TAX1BP1: variants seen among roughly 807,000 people sequenced by gnomAD.
The protein encoded by TAX1BP1 is Tax1 binding protein 1.
TAX1BP1 carries 62 observed loss-of-function variants against 97.7 expected under a neutral mutation model. The observed-to-expected ratio is 0.63, with a 90% CI of 0.52 to 0.78. The LOEUF (loss-of-function observed/expected upper bound fraction) is 0.78, where lower values mean the gene tolerates loss of function less well. Among genes scored for constraint, TAX1BP1 ranks in the 30% least tolerant of loss-of-function variants. The pLI is 0.00. For synonymous variants in TAX1BP1, 340 were observed against 304.2 expected (o/e 1.12, Z -1.23); for missense variants, 867 against 916.1 (o/e 0.95, Z 0.69).
chr7:27,822,318 C>A (rs1464861585), intron 15 of TAX1BP1, among the ~76,000 whole-genome samples: 1 of 152,114 alleles, frequency 6.6e-6, no homozygotes, highest in Non-Finnish European at 1.5e-5. Context: ...TGTTTTCATA[C>A]CTTTTTACTT....
intron 13 of TAX1BP1, among the ~76,000 whole-genome samples, chr7:27,801,748 T>G (rs1043416508): frequency 1.3e-5 from 2 of 152,218 alleles, no homozygotes; most frequent in Non-Finnish European, 2.9e-5. Flanking sequence ...AGCATTGAGA[T>G]CAAACAACAT....
intron 5 of TAX1BP1, among the ~76,000 whole-genome samples, chr7:27,776,946 AT>A (rs767870261): frequency 6.0e-5 from 9 of 151,118 alleles, no homozygotes; most frequent in Admixed American, 2.0e-4. Flanking sequence ...GTATATATAT[AT>A]TTTTTATCTC....
At chr7:27,819,418 C>T (rs942904269) in intron 15 of TAX1BP1, among the ~76,000 whole-genome samples, 10 of 152,216 alleles carry the variant, frequency 6.6e-5, no homozygotes, top group African/African-American at 2.4e-4. Context: ...CCTTCATTTC[C>T]TGTTTCTCAT....
At position 27,778,594 on chromosome 7, in the gene TAX1BP1, G is replaced by A. The variant is rs143146180; in HGVS notation, c.613-6569G>A. Reference sequence around the variant, plus strand: ...AAACTTATACAATTGGCCAGGTGCGGTGGCTCACGCCTGTAATCCCAGCAC... The same window carrying A: ...AAACTTATACAATTGGCCAGGTGCGATGGCTCACGCCTGTAATCCCAGCAC... On this transcript the variant is annotated intron_variant, in intron 5 of 16. Coordinates refer to ENST00000396319, the MANE Select transcript of TAX1BP1 (RefSeq NM_006024.7). Among the ~76,000 whole-genome samples the A allele has an allele frequency of 1.2e-4, 18 of 152,236 alleles. No homozygotes were observed. In the East Asian group the frequency reaches 2.7e-3, roughly 23 times the overall value.
chr7:27,766,087 A>G (rs931975765), intron 4 of TAX1BP1, 66 bp downstream of exon 4: 21 of 1,467,142 alleles, frequency 1.4e-5, no homozygotes, highest in Non-Finnish European at 1.8e-5. Flanking sequence ...GTTGGTTGGC[A>G]TTTTAAGAAT....
Position 27,828,756 on chromosome 7 carries a change from CTGACTA to C in TAX1BP1, c.2302_2307del (p.Tyr768_Asp769del), listed in dbSNP as rs1402254844. ...CCGATGTGCAGCGAGCAGTTCCCTC[CTGACTA>C]TGACCAGCAGGTGTTTGAAAGGCAT... On this transcript the variant is annotated inframe_deletion, in exon 17 of 17. Coordinates refer to ENST00000396319, the MANE Select transcript of TAX1BP1 (RefSeq NM_006024.7). The C allele has an allele frequency of 6.2e-7, 1 of 1,613,750 alleles. No individual in the cohort carries two copies. Among genetic ancestry groups the C allele is most frequent in the Non-Finnish European group, 8.5e-7 (1 of 1,179,944 alleles).
chr7:27,827,272 G>A (rs1791211078), intron 15 of TAX1BP1, among the ~76,000 whole-genome samples: 1 of 151,754 alleles, frequency 6.6e-6, no homozygotes, highest in Admixed American at 6.6e-5. Context: ...AGAATTGCTT[G>A]AACCCAGGAG....
In TAX1BP1 at chr7:27,816,396, T is replaced by C. The variant is rs759341508; in HGVS notation, c.1812T>C (p.Gly604=). Residue 604 remains glycine (G), a synonymous_variant, in exon 14 of 17, where the codon GGT becomes GGC. Transcript: ENST00000396319. ...ATCCAGCAGAAAGGAAAATGGAAGG[T>C]CAGAATTCCCAGAGTCCTCAATGTT... ...LENPAERKME[G]QNSQSPQCFK... is the part of the protein sequence containing the mutation. 3.2e-6 allele frequency: 5 copies of C among 1,585,142 alleles called. No homozygotes were observed. The South Asian group carries it at 5.9e-5, about 19-fold the overall frequency.
rs1789537612 is a variant in TAX1BP1 at position 27,787,617 on chromosome 7, C to CTA, written c.1038+22_1038+23dup. ...ACCTCAAGTAAAGTAAGTACTTTTG[C>CTA]TATATATATTTGAAGATTGTAAAAC... On this transcript the variant is annotated intron_variant, in intron 8 of 16. Coordinates refer to ENST00000396319, the MANE Select transcript of TAX1BP1 (RefSeq NM_006024.7). 15 of 1,585,638 alleles carry CTA rather than the reference C, an allele frequency of 9.5e-6. No individual in the cohort carries two copies. The highest frequency in any genetic ancestry group is 1.2e-5 in the Non-Finnish European group (14 of 1,168,932).
At chr7:27,779,292 T>C (rs1179830394) in intron 5 of TAX1BP1, among the ~76,000 whole-genome samples, 1 of 152,202 alleles carries the variant, frequency 6.6e-6, no homozygotes, top group East Asian at 1.9e-4. Flanking sequence ...GCTTGGCTCA[T>C]ATCTAGATTT....
chr7:27,824,517 G>C (rs890902970), intron 15 of TAX1BP1, among the ~76,000 whole-genome samples: 11 of 131,172 alleles, frequency 8.4e-5, no homozygotes, highest in Admixed American at 1.8e-4. Flanking sequence ...TCGTGCCACT[G>C]CACTCCTGGG....
intron 2 of TAX1BP1, among the ~76,000 whole-genome samples, chr7:27,754,853 G>T (rs778616359): frequency 7.9e-5 from 12 of 152,076 alleles, no homozygotes; most frequent in Non-Finnish European, 1.5e-4. Context: ...AAAGTGCTGG[G>T]ATTACAGGCG....
At chr7:27,763,596 G>A (rs575288317) in intron 3 of TAX1BP1, among the ~76,000 whole-genome samples, 4 of 152,038 alleles carry the variant, frequency 2.6e-5, no homozygotes, top group African/African-American at 7.2e-5. Context: ...GTGAAACCCC[G>A]TCTCCACTAA....
chr7:27,785,142 T>C (rs1789424693), intron 5 of TAX1BP1, 21 bp from the exon 6 acceptor site: 1 of 1,579,358 alleles, frequency 6.3e-7, no homozygotes, highest in African/African-American at 1.4e-5. Flanking sequence ...TTTCTCAAAA[T>C]ACCTTGTTGT....
intron 8 of TAX1BP1, among the ~76,000 whole-genome samples, chr7:27,789,342 G>A (rs890960842): frequency 1.3e-5 from 2 of 151,708 alleles, no homozygotes; most frequent in African/African-American, 4.8e-5. Context: ...TAAAACAGTT[G>A]CTTTGTTCAG....
At chr7:27,814,603 A>T (rs974759436) in intron 13 of TAX1BP1, among the ~76,000 whole-genome samples, 3 of 152,130 alleles carry the variant, frequency 2.0e-5, no homozygotes, top group Non-Finnish European at 4.4e-5. Flanking sequence ...TAAACATTTT[A>T]TCTATTGATT....
At chr7:27,821,136 A>AT (rs1216917896) in intron 15 of TAX1BP1, among the ~76,000 whole-genome samples, 3 of 152,134 alleles carry the variant, frequency 2.0e-5, no homozygotes, top group East Asian at 3.8e-4. Context: ...TCCATTTAAA[A>AT]TTTTTTGTAC....
intron 13 of TAX1BP1, among the ~76,000 whole-genome samples, chr7:27,806,679 G>A (rs796647954): frequency 6.6e-6 from 1 of 151,986 alleles, no homozygotes; most frequent in Non-Finnish European, 1.5e-5. Flanking sequence ...TTAATATTTG[G>A]TTGGGTTAGT....
chr7:27,773,601 T>C (rs1400870230), intron 5 of TAX1BP1, among the ~76,000 whole-genome samples: 2 of 152,118 alleles, frequency 1.3e-5, no homozygotes, highest in African/African-American at 4.8e-5. Context: ...GTTTTCAAGG[T>C]TCATCCATGT....
Sources: allele counts gnomAD v4.1 joint callset (sites outside exome capture counted in the v4.1 genomes callset), GRCh38; gene constraint gnomAD v4.1.1; transcripts MANE v1.5; gene names NCBI Gene and HGNC (gene_info 2026-07-23, HGNC 2026-07-21).